The following SEMA5A variants were observed in gnomAD, a reference collection of about 807,000 sequenced individuals.
SEMA5A encodes the protein semaphorin-5A.
SEMA5A carries 55 observed loss-of-function variants against 135.5 expected under a neutral mutation model. The observed-to-expected ratio is 0.41, with a 90% CI of 0.33 to 0.51. The LOEUF is 0.51. SEMA5A is among the 20% of genes least tolerant of loss of function. The pLI, the probability that SEMA5A is intolerant of heterozygous loss-of-function variation, is 0.37. For synonymous variants in SEMA5A, 580 were observed against 546.5 expected (o/e 1.06, Z -0.85); for missense variants, 1,290 against 1,419.9 (o/e 0.91, Z 1.47).
At chr5:9,444,890 G>A (rs1407117401) in intron 1 of SEMA5A, among the ~76,000 whole-genome samples, 1 of 152,156 alleles carries the variant, frequency 6.6e-6, no homozygotes, top group East Asian at 1.9e-4. Context: ...CAGGACCCCA[G>A]CCAAGCTGTG....
At chr5:9,386,265 G>A (rs983035296) in intron 2 of SEMA5A, among the ~76,000 whole-genome samples, 1 of 152,096 alleles carries the variant, frequency 6.6e-6, no homozygotes, top group East Asian at 1.9e-4. Flanking sequence ...CCGAAGCCAT[G>A]CCCTACACAC....
At chr5:9,271,058 CG>C (rs1284918668) in intron 5 of SEMA5A, among the ~76,000 whole-genome samples, 1 of 152,106 alleles carries the variant, frequency 6.6e-6, no homozygotes, top group African/African-American at 2.4e-5. Context: ...CTCCACATAT[CG>C]GGGAGGGGCC....
intron 1 of SEMA5A, among the ~76,000 whole-genome samples, chr5:9,448,478 T>C (rs1758514783): frequency 6.6e-6 from 1 of 152,220 alleles, no homozygotes; most frequent in South Asian, 2.1e-4. Context: ...AACAGTGGAA[T>C]TGGGTTTATG....
chr5:9,304,819 C>A (rs982657456), intron 5 of SEMA5A, among the ~76,000 whole-genome samples: 7 of 152,144 alleles, frequency 4.6e-5, no homozygotes, highest in Admixed American at 6.5e-5. Context: ...CACAGATGGG[C>A]CATGAAATAA....
intron 11 of SEMA5A, among the ~76,000 whole-genome samples, chr5:9,164,116 T>G (rs1353497601): frequency 9.0e-6 from 1 of 111,322 alleles, no homozygotes; most frequent in African/African-American, 4.4e-5. Context: ...TATATAATTA[T>G]AAATATATCA....
chr5:9,199,337 G>A (rs1040295807), intron 9 of SEMA5A, among the ~76,000 whole-genome samples: 1 of 152,162 alleles, frequency 6.6e-6, no homozygotes, highest in African/African-American at 2.4e-5. Context: ...TATAGCCCAT[G>A]CCTGCCCCTC....
intron 16 of SEMA5A, among the ~76,000 whole-genome samples, chr5:9,070,395 T>C (rs370385641): frequency 6.6e-6 from 1 of 152,062 alleles, no homozygotes; most frequent in Non-Finnish European, 1.5e-5. Flanking sequence ...ACAAAAATCA[T>C]GTGCAGTTTA....
At position 9,054,167 on chromosome 5, in the gene SEMA5A, T is replaced by C; in HGVS notation, c.2609A>G (p.Asn870Ser). Residue 870 changes from asparagine (N) to serine (S), a missense_variant, in exon 19 of 23, where the codon AAT (asparagine) becomes AGT (serine). By Grantham distance (46) the Asn-to-Ser change is conservative. Transcript: ENST00000382496. The part of the protein sequence containing the change: ...GHYMRTRSCS[N>S]PAPAYGGDIC... ...GTCCCCTCCATAGGCCGGGGCTGGA[T>C]TGGAGCAAGAGCGGGTCCTCATATA... The C allele has an allele frequency of 6.2e-6, 10 of 1,614,030 alleles. No homozygotes were observed. Among genetic ancestry groups the C allele is most frequent in the Non-Finnish European group, 8.5e-6 (10 of 1,179,986 alleles).
chr5:9,456,551 AAG>A (rs1390691439), intron 1 of SEMA5A, among the ~76,000 whole-genome samples: 2 of 152,174 alleles, frequency 1.3e-5, no homozygotes. Context: ...AGCTAACAAA[AAG>A]CAGATGTGTC....
At chr5:9,354,276 G>A (rs971259329) in intron 3 of SEMA5A, among the ~76,000 whole-genome samples, 3 of 152,290 alleles carry the variant, frequency 2.0e-5, no homozygotes, top group Admixed American at 1.3e-4. Flanking sequence ...AGCGTGGGAC[G>A]AAGCCATCAC....
At chr5:9,299,606 C>A (rs562418369) in intron 5 of SEMA5A, among the ~76,000 whole-genome samples, 5 of 152,238 alleles carry the variant, frequency 3.3e-5, no homozygotes, top group African/African-American at 1.2e-4. Context: ...ACCTTGCCAG[C>A]GTTGGGCTCA....
intron 4 of SEMA5A, among the ~76,000 whole-genome samples, chr5:9,335,826 A>C (rs537255380): frequency 6.6e-6 from 1 of 152,324 alleles, no homozygotes; most frequent in Non-Finnish European, 1.5e-5. Context: ...CTCTGGAAAT[A>C]AATGTGTTGA....
At chr5:9,043,489 C>T (rs1208122690) in intron 22 of SEMA5A, among the ~76,000 whole-genome samples, 1 of 152,164 alleles carries the variant, frequency 6.6e-6, no homozygotes, top group East Asian at 1.9e-4. Context: ...GTTTCAAATG[C>T]CTTAATTGCT....
intron 4 of SEMA5A, among the ~76,000 whole-genome samples, chr5:9,324,506 C>T (rs1176174540): frequency 6.6e-6 from 1 of 152,152 alleles, no homozygotes; most frequent in Non-Finnish European, 1.5e-5. Context: ...TATTTGGCCC[C>T]ACATACAACT....
intron 13 of SEMA5A, among the ~76,000 whole-genome samples, chr5:9,131,625 A>C (rs1579449828): frequency 4.5e-5 from 1 of 22,314 alleles, no homozygotes; most frequent in Non-Finnish European, 2.3e-4. Flanking sequence ...AAAAAAAAAA[A>C]AAAAAAAAAA....
chr5:9,191,212 C>A lies in SEMA5A; in HGVS notation c.1069-741G>T, dbSNP rs2150348750. Reference sequence around the variant, plus strand: ...AAGGAAGAAGGAAGGAAAGAGATTTCAGATAGAGCAAATATCATGGAGATG... The same window carrying A: ...AAGGAAGAAGGAAGGAAAGAGATTTAAGATAGAGCAAATATCATGGAGATG... On this transcript the variant is annotated intron_variant, in intron 10 of 22. Transcript: ENST00000382496. 1.3e-5 allele frequency among the ~76,000 whole-genome samples: 2 copies of A among 152,134 alleles called. 1 individual carries two copies. The highest frequency in any genetic ancestry group is 1.3e-4 in the Admixed American group (2 of 15,292).
intron 2 of SEMA5A, among the ~76,000 whole-genome samples, chr5:9,391,255 A>C (rs17256404): frequency 0.088 from 13,415 of 152,232 alleles, 659 homozygotes; most frequent in African/African-American, 0.1. Flanking sequence ...ACCAGGATTT[A>C]ATCCAGCAAA....
chr5:9,139,484 T>C (rs1324861048), intron 12 of SEMA5A, among the ~76,000 whole-genome samples: 1 of 152,218 alleles, frequency 6.6e-6, no homozygotes, highest in African/African-American at 2.4e-5. Flanking sequence ...TTGTCTGTTT[T>C]CATTTCTTTC....
intron 11 of SEMA5A, among the ~76,000 whole-genome samples, chr5:9,156,574 G>C (rs1479298765): frequency 6.6e-6 from 1 of 152,190 alleles, no homozygotes; most frequent in African/African-American, 2.4e-5. Context: ...CAAGGCTCAT[G>C]GGAGAACTTA....
Sources: gnomAD v4.1 joint callset for allele counts (sites outside exome capture counted in the v4.1 genomes callset) on GRCh38, gnomAD v4.1.1 for gene constraint, MANE v1.5 for transcripts, NCBI Gene and HGNC (gene_info 2026-07-23, HGNC 2026-07-21) for gene names.